PTPRN2: variants seen among roughly 807,000 people sequenced by gnomAD.
PTPRN2 encodes the protein protein tyrosine phosphatase receptor type N2.
A neutral mutation model predicts 118.8 loss-of-function variants in PTPRN2; 74 were observed. The ratio of observed to expected loss-of-function variants is 0.62; its 90% confidence interval spans 0.52 to 0.76. The LOEUF is 0.76. Ranked by LOEUF, PTPRN2 falls within the 30% of genes least tolerant of loss-of-function variation. The probability of loss-of-function intolerance (pLI) is 0.00; values close to 1 mark genes in which losing one functional copy is unlikely to be tolerated. For missense variants in PTPRN2, 1,481 were observed against 1,394.4 expected (o/e 1.06, Z -0.99); for synonymous variants, 641 against 608.0 (o/e 1.05, Z -0.80).
intron 11 of PTPRN2, among the ~76,000 whole-genome samples, chr7:157,917,124 GCT>G: frequency 6.6e-6 from 1 of 151,842 alleles, no homozygotes; most frequent in Non-Finnish European, 1.5e-5. Context: ...CTCCTCCCTG[GCT>G]GAAGGTCCCC....
At chr7:157,952,211 A>G (rs551642031) in intron 11 of PTPRN2, among the ~76,000 whole-genome samples, 1 of 152,300 alleles carries the variant, frequency 6.6e-6, no homozygotes, top group East Asian at 1.9e-4. Flanking sequence ...ATGTGCAGCT[A>G]GCCTCGCCAG....
At chr7:158,214,642 T>C (rs1280646642) in intron 3 of PTPRN2, among the ~76,000 whole-genome samples, 1 of 152,136 alleles carries the variant, frequency 6.6e-6, no homozygotes, top group African/African-American at 2.4e-5. Flanking sequence ...TACCAGGTAG[T>C]GTCAGAGAAG....
At chr7:157,562,271 G>A (rs1443429115) in intron 21 of PTPRN2, among the ~76,000 whole-genome samples, 2 of 152,192 alleles carry the variant, frequency 1.3e-5, no homozygotes, top group African/African-American at 2.4e-5. Context: ...TAATCAGGAG[G>A]AGAAAATGGA....
intron 1 of PTPRN2, among the ~76,000 whole-genome samples, chr7:158,507,993 G>A (rs1044301938): frequency 2.0e-5 from 3 of 151,082 alleles, no homozygotes; most frequent in Non-Finnish European, 4.4e-5. Context: ...CCCCGTGCTA[G>A]GCAGGAAATT....
chr7:157,602,447 CT>C (rs1490388670), intron 16 of PTPRN2, among the ~76,000 whole-genome samples: 1 of 151,046 alleles, frequency 6.6e-6, no homozygotes, highest in Non-Finnish European at 1.5e-5. Flanking sequence ...TCAGTGGCCG[CT>C]GAGACCAGCA....
intron 2 of PTPRN2, among the ~76,000 whole-genome samples, chr7:158,326,310 G>A (rs1030925304): frequency 6.6e-6 from 1 of 152,246 alleles, no homozygotes; most frequent in Non-Finnish European, 1.5e-5. Flanking sequence ...TGCAGTGCCA[G>A]TTCTTCATCC....
chr7:158,120,720 T>C (rs764856436), intron 9 of PTPRN2, among the ~76,000 whole-genome samples: 27 of 152,236 alleles, frequency 1.8e-4, no homozygotes, highest in Non-Finnish European at 3.5e-4. Context: ...ATGTCTGCTC[T>C]AACCCAGGTC....
At chr7:158,441,772 AGTG>A (rs796717160) in intron 2 of PTPRN2, among the ~76,000 whole-genome samples, 14 of 48,408 alleles carry the variant, frequency 2.9e-4, no homozygotes, top group African/African-American at 1.0e-3. Flanking sequence ...TGGTCATGGC[AGTG>A]GTGGTGATGG....
chr7:158,070,473 TGG>T (rs2128915415), intron 11 of PTPRN2, among the ~76,000 whole-genome samples: 1 of 128,704 alleles, frequency 7.8e-6, no homozygotes, highest in Non-Finnish European at 1.6e-5. Flanking sequence ...CCCGTGGTGG[TGG>T]AGGTGCTCCT....
chr7:157,663,172 G>A (rs1041311646), intron 13 of PTPRN2, among the ~76,000 whole-genome samples: 3 of 152,084 alleles, frequency 2.0e-5, no homozygotes, highest in South Asian at 2.1e-4. Flanking sequence ...CCCGGGCATC[G>A]GCGACTCCCT....
At chr7:158,030,488 G>C (rs1807607251) in intron 11 of PTPRN2, 1 of 152,292 alleles carries the variant, frequency 6.6e-6, no homozygotes, top group African/African-American at 2.4e-5. Context: ...ATTTGGAAAT[G>C]GTCTCCGAAG....
At chr7:158,171,266 C>T (rs1449947069) in intron 5 of PTPRN2, among the ~76,000 whole-genome samples, 11 of 88,476 alleles carry the variant, frequency 1.2e-4, no homozygotes, top group African/African-American at 4.7e-4. Flanking sequence ...TATATATACA[C>T]ACATATATAC....
chr7:158,152,288 C>T (rs1821274394), intron 6 of PTPRN2, among the ~76,000 whole-genome samples: 1 of 151,872 alleles, frequency 6.6e-6, no homozygotes, highest in Non-Finnish European at 1.5e-5. Flanking sequence ...TTTCATACCG[C>T]ACTGCCAGAG....
At chr7:158,029,942 A>T (rs1280682963) in intron 11 of PTPRN2, 2 of 152,334 alleles carry the variant, frequency 1.3e-5, no homozygotes, top group African/African-American at 4.8e-5. Flanking sequence ...TAAAATGAGG[A>T]TGGGCTCTAT....
intron 2 of PTPRN2, among the ~76,000 whole-genome samples, chr7:158,357,628 G>A (rs1808494035): frequency 6.6e-6 from 1 of 152,246 alleles, no homozygotes; most frequent in South Asian, 2.1e-4. Flanking sequence ...CGGCAGGAGA[G>A]GAGGAAGGCA....
chr7:158,183,536 C>T (rs546165202), intron 5 of PTPRN2, among the ~76,000 whole-genome samples: 1 of 152,348 alleles, frequency 6.6e-6, no homozygotes, highest in East Asian at 1.9e-4. Flanking sequence ...GGTTGGCAGA[C>T]TTCCGCAAGG....
intron 5 of PTPRN2, among the ~76,000 whole-genome samples, chr7:158,169,287 G>A (rs1823308444): frequency 6.6e-6 from 1 of 152,218 alleles, no homozygotes; most frequent in East Asian, 1.9e-4. Flanking sequence ...CTTTCATCCA[G>A]GCTGGAGTGA....
At chr7:158,334,510 CCAT>C (rs1805189051) in intron 2 of PTPRN2, among the ~76,000 whole-genome samples, 1 of 110,032 alleles carries the variant, frequency 9.1e-6, no homozygotes, top group African/African-American at 3.0e-5. Flanking sequence ...CACACTCTCA[CCAT>C]AAGAGGTGAC....
chr7:158,442,245 T>A (rs111462295), intron 2 of PTPRN2, among the ~76,000 whole-genome samples: 36 of 152,152 alleles, frequency 2.4e-4, no homozygotes, highest in African/African-American at 8.2e-4. Context: ...TCTGATTACC[T>A]GACATGGTTA....
Sources: gnomAD v4.1 joint callset for allele counts (sites outside exome capture counted in the v4.1 genomes callset) on GRCh38, gnomAD v4.1.1 for gene constraint, MANE v1.5 for transcripts, NCBI Gene and HGNC (gene_info 2026-07-23, HGNC 2026-07-21) for gene names.